The following HS6ST3 variants were observed in gnomAD, a reference collection of about 807,000 sequenced individuals.
The protein encoded by HS6ST3 is heparan sulfate 6-O-sulfotransferase 3, also known as heparan-sulfate 6-O-sulfotransferase 3.
Under a neutral mutation model 36.7 loss-of-function variants are expected in HS6ST3, and 12 were observed. The observed-to-expected ratio is 0.33, with a 90% CI of 0.21 to 0.53. The LOEUF is 0.53. Ranked by LOEUF, HS6ST3 falls within the 20% of genes least tolerant of loss-of-function variation. The pLI is 0.95. For synonymous variants in HS6ST3, 240 were observed against 257.5 expected (o/e 0.93, Z 0.65); for missense variants, 584 against 640.9 (o/e 0.91, Z 0.96).
chr13:96,344,573 C>G (rs2055144761), intron 1 of HS6ST3, among the ~76,000 whole-genome samples: 1 of 152,138 alleles, frequency 6.6e-6, no homozygotes, highest in Non-Finnish European at 1.5e-5. Flanking sequence ...ATTTTTTGAA[C>G]CTAGTGAGTG....
chr13:96,684,811 A>G (rs80226083), intron 1 of HS6ST3, among the ~76,000 whole-genome samples: 1,772 of 152,196 alleles, frequency 0.012, 32 homozygotes, highest in African/African-American at 0.04. Flanking sequence ...CAAGGGTGCT[A>G]GAAGAAGACC....
chr13:96,538,759 G>A (rs944573177), intron 1 of HS6ST3, among the ~76,000 whole-genome samples: 7 of 152,130 alleles, frequency 4.6e-5, no homozygotes, highest in East Asian at 1.9e-4. Context: ...CATGAAAATC[G>A]ATTTCAGAAG....
intron 1 of HS6ST3, among the ~76,000 whole-genome samples, chr13:96,464,843 G>C (rs1339554148): frequency 6.6e-6 from 1 of 151,952 alleles, no homozygotes; most frequent in African/African-American, 2.4e-5. Context: ...ATAAAGGCAG[G>C]GTAGCCAGAG....
chr13:96,374,240 C>T (rs572623064), intron 1 of HS6ST3, among the ~76,000 whole-genome samples: 1 of 152,144 alleles, frequency 6.6e-6, no homozygotes, highest in South Asian at 2.1e-4. Flanking sequence ...GGGTTAAATA[C>T]ATTAGGAAGA....
At chr13:96,320,122 C>G (rs552541797) in intron 1 of HS6ST3, among the ~76,000 whole-genome samples, 1 of 152,236 alleles carries the variant, frequency 6.6e-6, no homozygotes, top group South Asian at 2.1e-4. Flanking sequence ...GATGCAGTGT[C>G]TTGGAGAGTT....
chr13:96,536,685 G>A (rs1405806499), intron 1 of HS6ST3, among the ~76,000 whole-genome samples: 1 of 152,310 alleles, frequency 6.6e-6, no homozygotes, highest in East Asian at 1.9e-4. Context: ...GGGACAGATT[G>A]GTGCTTGCCA....
At chr13:96,245,703 C>T (rs2054581892) in intron 1 of HS6ST3, among the ~76,000 whole-genome samples, 1 of 152,130 alleles carries the variant, frequency 6.6e-6, no homozygotes, top group Admixed American at 6.6e-5. Flanking sequence ...CCCATACAAA[C>T]TATAGTAGTC....
At chr13:96,604,140 C>T (rs1031826044) in intron 1 of HS6ST3, among the ~76,000 whole-genome samples, 2 of 152,136 alleles carry the variant, frequency 1.3e-5, no homozygotes, top group African/African-American at 4.8e-5. Flanking sequence ...TTTGAGAAAT[C>T]AAGAGAACTA....
At chr13:96,485,707 G>T (rs909074726) in intron 1 of HS6ST3, among the ~76,000 whole-genome samples, 14 of 152,122 alleles carry the variant, frequency 9.2e-5, no homozygotes, top group Non-Finnish European at 2.9e-5. Flanking sequence ...GTTTGTGATA[G>T]AATTCTTATA....
chr13:96,138,336 T>G (rs1743577040), intron 1 of HS6ST3, among the ~76,000 whole-genome samples: 1 of 151,392 alleles, frequency 6.6e-6, no homozygotes, highest in African/African-American at 2.4e-5. Context: ...AAAACTTATT[T>G]TATCAGCTTT....
intron 1 of HS6ST3, among the ~76,000 whole-genome samples, chr13:96,150,062 G>A (rs1038566598): frequency 1.3e-5 from 2 of 152,140 alleles, no homozygotes; most frequent in Non-Finnish European, 2.9e-5. Flanking sequence ...CCTGCCATCC[G>A]CAGCTTGGCG....
chr13:96,221,111 C>T (rs72642936), intron 1 of HS6ST3, among the ~76,000 whole-genome samples: 9,751 of 152,158 alleles, frequency 0.064, 473 homozygotes, highest in Middle Eastern at 0.15. Flanking sequence ...ACCATAAAAA[C>T]GAAAACAAAA....
intron 1 of HS6ST3, among the ~76,000 whole-genome samples, chr13:96,215,290 A>G (rs1375462099): frequency 6.6e-6 from 1 of 152,202 alleles, no homozygotes; most frequent in African/African-American, 2.4e-5. Flanking sequence ...CTTTCTGTTC[A>G]CCCAGTGATT....
intron 1 of HS6ST3, among the ~76,000 whole-genome samples, chr13:96,425,245 C>T (rs2055580855): frequency 6.6e-6 from 1 of 152,190 alleles, no homozygotes; most frequent in Admixed American, 6.5e-5. Flanking sequence ...AGTGCTAGCA[C>T]AGAAGCATAG....
chr13:96,184,650 G>T (rs1199723457), intron 1 of HS6ST3, among the ~76,000 whole-genome samples: 3 of 151,826 alleles, frequency 2.0e-5, no homozygotes, highest in Non-Finnish European at 4.4e-5. Flanking sequence ...CACTAGACAG[G>T]CCCCCTCATC....
intron 1 of HS6ST3, among the ~76,000 whole-genome samples, chr13:96,486,870 C>T (rs939604816): frequency 6.6e-6 from 1 of 152,004 alleles, no homozygotes; most frequent in Non-Finnish European, 1.5e-5. Flanking sequence ...AGATGACTAG[C>T]GTTATTCCGT....
At chr13:96,341,181 G>A (rs541631336) in intron 1 of HS6ST3, among the ~76,000 whole-genome samples, 1 of 152,214 alleles carries the variant, frequency 6.6e-6, no homozygotes, top group African/African-American at 2.4e-5. Flanking sequence ...TATAAAATAT[G>A]AATATTGTTA....
chr13:96,815,243 G>GAC (rs1310820648), intron 1 of HS6ST3, among the ~76,000 whole-genome samples: 1 of 152,112 alleles, frequency 6.6e-6, no homozygotes, highest in Non-Finnish European at 1.5e-5. Context: ...CCTTGTAGAT[G>GAC]GGGTTCTCTG....
chr13:96,509,042 C>T (rs1375245205), intron 1 of HS6ST3, among the ~76,000 whole-genome samples: 1 of 152,138 alleles, frequency 6.6e-6, no homozygotes, highest in Non-Finnish European at 1.5e-5. Context: ...TAATAATGGT[C>T]ATTCTTGCAG....
Sources: gnomAD v4.1 joint callset for allele counts (sites outside exome capture counted in the v4.1 genomes callset) on GRCh38, gnomAD v4.1.1 for gene constraint, MANE v1.5 for transcripts, NCBI Gene and HGNC (gene_info 2026-07-23, HGNC 2026-07-21) for gene names.